The following ERC2 variants were observed in gnomAD, a reference collection of about 807,000 sequenced individuals.
The protein encoded by ERC2 is ELKS/RAB6-interacting/CAST family member 2, also known as ERC protein 2.
A neutral mutation model predicts 114.8 loss-of-function variants in ERC2; 42 were observed. The observed-to-expected ratio is 0.37, with a 90% CI of 0.29 to 0.47. ERC2 has a LOEUF of 0.47. Among genes scored for constraint, ERC2 ranks in the 20% least tolerant of loss-of-function variants. The pLI, the probability that ERC2 is intolerant of heterozygous loss-of-function variation, is 0.99. For synonymous variants in ERC2, 454 were observed against 425.5 expected, an observed-to-expected ratio of 1.07 and a Z score of -0.82; for missense variants, 939 against 1,150.7, an observed-to-expected ratio of 0.82 and a Z score of 2.66.
At chr3:55,741,244 T>C (rs1330324754) in intron 14 of ERC2, among the ~76,000 whole-genome samples, 2 of 152,134 alleles carry the variant, frequency 1.3e-5, no homozygotes, top group Non-Finnish European at 2.9e-5. Context: ...AGAAATCACC[T>C]ACCAAGAAAA....
At chr3:55,846,296 C>T (rs1243438506) in intron 14 of ERC2, among the ~76,000 whole-genome samples, 1 of 152,190 alleles carries the variant, frequency 6.6e-6, no homozygotes, top group Non-Finnish European at 1.5e-5. Flanking sequence ...TGGCCTCTAG[C>T]TCTATCCATG....
At chr3:55,945,434 T>C (rs2067066312) in intron 13 of ERC2, among the ~76,000 whole-genome samples, 1 of 152,316 alleles carries the variant, frequency 6.6e-6, no homozygotes, top group Middle Eastern at 3.4e-3. Context: ...CTTGGAGAGA[T>C]GAACATTTAG....
At chr3:55,736,450 C>T (rs2148927182) in intron 14 of ERC2, among the ~76,000 whole-genome samples, 1 of 152,358 alleles carries the variant, frequency 6.6e-6, no homozygotes, top group Non-Finnish European at 1.5e-5. Context: ...TGACCACTGA[C>T]TTAGACCACC....
chr3:55,908,218 GA>G (rs564389571), intron 13 of ERC2, among the ~76,000 whole-genome samples: 1 of 152,042 alleles, frequency 6.6e-6, no homozygotes, highest in Non-Finnish European at 1.5e-5. Flanking sequence ...GAATTTTCCT[GA>G]AAAAAATCTT....
chr3:56,409,624 G>A (rs543986665), intron 2 of ERC2, among the ~76,000 whole-genome samples: 5 of 152,028 alleles, frequency 3.3e-5, no homozygotes, highest in African/African-American at 1.2e-4. Context: ...AAGGCAGTTG[G>A]AGATAGGGAG....
intron 14 of ERC2, among the ~76,000 whole-genome samples, chr3:55,883,877 G>C (rs1559812735): frequency 6.8e-6 from 1 of 147,652 alleles, no homozygotes. Flanking sequence ...AACAGAGTGA[G>C]GCTCCGTCTC....
intron 13 of ERC2, among the ~76,000 whole-genome samples, chr3:55,924,204 A>C (rs374819440): frequency 6.6e-6 from 1 of 152,160 alleles, no homozygotes; most frequent in Non-Finnish European, 1.5e-5. Context: ...TGTCCTTAGG[A>C]AAGTCCTCAC....
chr3:56,008,206 C>G (rs1199319335), intron 9 of ERC2, among the ~76,000 whole-genome samples: 2 of 152,176 alleles, frequency 1.3e-5, no homozygotes, highest in Non-Finnish European at 2.9e-5. Context: ...ACAATGGTCT[C>G]TCTGTAAACA....
At chr3:56,186,407 C>T (rs1560330444) in intron 3 of ERC2, among the ~76,000 whole-genome samples, 1 of 152,102 alleles carries the variant, frequency 6.6e-6, no homozygotes, top group Non-Finnish European at 1.5e-5. Context: ...ATACACTGGC[C>T]TTTGTTCTAC....
chr3:56,223,606 C>T (rs2050066391), intron 3 of ERC2, among the ~76,000 whole-genome samples: 1 of 151,870 alleles, frequency 6.6e-6, no homozygotes, highest in African/African-American at 2.4e-5. Flanking sequence ...ACACTTTAGC[C>T]CTGCAATGTA....
At chr3:56,075,369 C>A (rs1161136559) in intron 7 of ERC2, among the ~76,000 whole-genome samples, 1 of 152,168 alleles carries the variant, frequency 6.6e-6, no homozygotes, top group Non-Finnish European at 1.5e-5. Context: ...TGACCAGACA[C>A]TCCTGGTTAT....
At chr3:56,304,899 C>A (rs2150377788) in intron 2 of ERC2, among the ~76,000 whole-genome samples, 1 of 152,264 alleles carries the variant, frequency 6.6e-6, no homozygotes, top group East Asian at 1.9e-4. Context: ...ATGTTAGAAG[C>A]ATGCCCCTTA....
intron 7 of ERC2, among the ~76,000 whole-genome samples, chr3:56,048,380 C>T (rs151322746): frequency 1.5e-3 from 225 of 152,222 alleles, no homozygotes; most frequent in African/African-American, 4.7e-3. Context: ...AGACTTGAAC[C>T]CAAGTCTCTC....
chr3:55,790,126 G>C (rs1049214918), intron 14 of ERC2, among the ~76,000 whole-genome samples: 6 of 152,136 alleles, frequency 3.9e-5, no homozygotes, highest in African/African-American at 1.4e-4. Context: ...ATTCCCTGCA[G>C]GATAAAGTCC....
rs1451590790 is a variant in ERC2, at chr3:56,139,767, G to A, written c.1306-91C>T. ...CTACTGATTTCTCTCCATTTCAGCAGCCAGTGATCAATAATCCAACAAGGC... is the reference window on the plus strand; with the variant it reads ...CTACTGATTTCTCTCCATTTCAGCAACCAGTGATCAATAATCCAACAAGGC... On this transcript the variant is annotated intron_variant, in intron 5 of 17. Coordinates refer to ENST00000288221, the MANE Select transcript of ERC2 (RefSeq NM_015576.3). 5.1e-6 allele frequency: 7 copies of A among 1,363,910 alleles called. No individual in the cohort carries two copies. In the African/African-American group the frequency reaches 1.0e-4, roughly 20 times the overall value. The allele number at this position is 1,363,910 out of a possible 1,614,324, so 84.5% of individuals were successfully genotyped here.
intron 8 of ERC2, among the ~76,000 whole-genome samples, chr3:56,015,819 C>T (rs1332887820): frequency 2.0e-5 from 3 of 152,172 alleles, no homozygotes; most frequent in Admixed American, 6.5e-5. Context: ...TTTAGATTCC[C>T]ACCAACAATG....
chr3:55,508,615 C>A lies in ERC2; in HGVS notation c.*2701G>T, dbSNP rs1356429257. 1 of 152,560 alleles carries A rather than the reference C, an allele frequency of 6.6e-6. No individual in the cohort carries two copies. The highest frequency in any genetic ancestry group is 1.5e-5 in the Non-Finnish European group (1 of 68,020). 9.5% of individuals were successfully genotyped at this position (152,560 alleles called of 1,614,324 possible). The stretch of plus-strand genomic sequence containing the variant: ...CGAGGGTCTCGGGGAATTAGATACA[C>A]TGACCCTGGGCAGCATTCAATCGCC... On this transcript the variant is annotated 3_prime_UTR_variant, in exon 18 of 18. Transcript: ENST00000288221.
chr3:55,598,678 T>C (rs1287231632), intron 17 of ERC2, among the ~76,000 whole-genome samples: 1 of 152,252 alleles, frequency 6.6e-6, no homozygotes, highest in African/African-American at 2.4e-5. Context: ...TGAATCTGAT[T>C]AAATCCATTC....
intron 13 of ERC2, among the ~76,000 whole-genome samples, chr3:55,940,581 A>G (rs1414503680): frequency 6.6e-6 from 1 of 152,114 alleles, no homozygotes; most frequent in African/African-American, 2.4e-5. Flanking sequence ...CTGCAAATCA[A>G]ATGCTGGGGG....
Sources: allele counts gnomAD v4.1 joint callset (sites outside exome capture counted in the v4.1 genomes callset), GRCh38; gene constraint gnomAD v4.1.1; transcripts MANE v1.5; gene names NCBI Gene and HGNC (gene_info 2026-07-23, HGNC 2026-07-21).